Variants in FBXL5 observed in about 807,000 individuals in gnomAD.
The protein encoded by FBXL5 is F-box/LRR-repeat protein 5.
In FBXL5, 26 loss-of-function variants were observed where a neutral mutation model predicts 78.3. That is an observed-to-expected ratio of 0.33 (90% CI 0.24 to 0.46). FBXL5 has a LOEUF of 0.46. FBXL5 is among the 20% of genes least tolerant of loss of function. FBXL5 has a pLI of 1.00. For synonymous variants in FBXL5, 295 were observed against 282.5 expected (o/e 1.04, Z -0.45); for missense variants, 710 against 829.2 (o/e 0.86, Z 1.77).
At chr4:15,614,646 G>A (rs543316886) in intron 9 of FBXL5, among the ~76,000 whole-genome samples, 1 of 152,290 alleles carries the variant, frequency 6.6e-6, no homozygotes, top group South Asian at 2.1e-4. Flanking sequence ...TGCTGCGGCT[G>A]CTGTGGGGGA....
At chr4:15,615,759 CG>C (rs1711781326) in intron 9 of FBXL5, among the ~76,000 whole-genome samples, 2 of 151,686 alleles carry the variant, frequency 1.3e-5, no homozygotes, top group African/African-American at 4.8e-5. Context: ...GGATTGTAAA[CG>C]CACCAATCAG....
upstream of FBXL5, chr4:15,656,095 C>T (rs931947275): frequency 1.8e-4 from 77 of 439,820 alleles, no homozygotes; most frequent in African/African-American, 1.1e-3. Context: ...TGCAGGAACG[C>T]GGGTCAGGGA....
intron 1 of FBXL5, among the ~76,000 whole-genome samples, chr4:15,667,815 G>A (rs1048556209): frequency 1.3e-5 from 2 of 152,104 alleles, no homozygotes; most frequent in African/African-American, 4.8e-5. Flanking sequence ...GCCAATGTGG[G>A]CGGATCACCT....
chr4:15,680,700 T>C (rs1056056395), intron 1 of FBXL5, among the ~76,000 whole-genome samples: 1 of 151,714 alleles, frequency 6.6e-6, no homozygotes, highest in Non-Finnish European at 1.5e-5. Flanking sequence ...AAAATCCAGT[T>C]GGAGAATCAA....
intron 1 of FBXL5, among the ~76,000 whole-genome samples, chr4:15,677,007 A>C (rs1718017554): frequency 6.6e-6 from 1 of 152,212 alleles, no homozygotes; most frequent in Non-Finnish European, 1.5e-5. Flanking sequence ...GAAAGCATAC[A>C]TGCACTACAA....
chr4:15,657,748 AT>A (rs1717073728), upstream of FBXL5, among the ~76,000 whole-genome samples: 1 of 152,252 alleles, frequency 6.6e-6, no homozygotes, highest in East Asian at 1.9e-4. Flanking sequence ...TCCAAAATAA[AT>A]GACTGACTTT....
chr4:15,656,260 C>T (rs1034002014), upstream of FBXL5: 1 of 456,212 alleles, frequency 2.2e-6, no homozygotes, highest in Non-Finnish European at 4.4e-6. Context: ...TCCCATAAAT[C>T]GCCTGGCCCT....
intron 1 of FBXL5, among the ~76,000 whole-genome samples, chr4:15,669,228 T>C (rs1319887828): frequency 6.6e-6 from 1 of 152,216 alleles, no homozygotes; most frequent in African/African-American, 2.4e-5. Flanking sequence ...ACTTTGGCTA[T>C]ATATACAGCC....
chr4:15,645,488 C>A (rs1715262080), intron 1 of FBXL5, among the ~76,000 whole-genome samples: 1 of 152,024 alleles, frequency 6.6e-6, no homozygotes, highest in Admixed American at 6.6e-5. Context: ...AGTGCAGGGG[C>A]ATGATCTCAG....
chr4:15,676,129 C>G (rs1159101401), intron 1 of FBXL5, among the ~76,000 whole-genome samples: 4 of 152,272 alleles, frequency 2.6e-5, no homozygotes, highest in African/African-American at 9.6e-5. Context: ...CAGAGCAACC[C>G]AGCTTATGGA....
chr4:15,676,001 G>A (rs897150436), intron 1 of FBXL5, among the ~76,000 whole-genome samples: 1 of 152,172 alleles, frequency 6.6e-6, no homozygotes, highest in African/African-American at 2.4e-5. Flanking sequence ...AGTGAGAGGT[G>A]AAAAAGAGCT....
intron 3 of FBXL5, among the ~76,000 whole-genome samples, chr4:15,639,599 T>C (rs1714627526): frequency 6.6e-6 from 1 of 152,232 alleles, no homozygotes; most frequent in Non-Finnish European, 1.5e-5. Flanking sequence ...AACAAGGCTT[T>C]TTTTGTTTTG....
At chr4:15,621,838 CCTT>C (rs1712513810) in intron 9 of FBXL5, among the ~76,000 whole-genome samples, 1 of 152,080 alleles carries the variant, frequency 6.6e-6, no homozygotes, top group African/African-American at 2.4e-5. Flanking sequence ...AGTCAATGCT[CCTT>C]CTTTTGAGAC....
At position 15,640,771 on chromosome 4, in the gene FBXL5, AG is replaced by A; in HGVS notation, c.396+16del. 1.4e-6 allele frequency: 2 copies of A among 1,397,846 alleles called. No individual in the cohort carries two copies. Among genetic ancestry groups the A allele is most frequent in the Non-Finnish European group, 2.0e-6 (2 of 1,020,738 alleles). 86.6% of individuals were successfully genotyped at this position (1,397,846 alleles called of 1,614,324 possible). A position where few individuals can be genotyped will look rare whatever the true frequency, so the allele number is the denominator to read the frequency against. On this transcript the variant is annotated intron_variant, in intron 3 of 10. Coordinates refer to ENST00000341285, the MANE Select transcript of FBXL5 (RefSeq NM_012161.4). ...GAATGTTATAAATCTAAATCACGAAAGAAAAATTATGCTTACCTCCTCTTCC... is the reference window on the plus strand; with the variant it reads ...GAATGTTATAAATCTAAATCACGAAAAAAAATTATGCTTACCTCCTCTTCC...
At chr4:15,638,767 T>C (rs1480043068) in intron 3 of FBXL5, 73 bp from the exon 4 acceptor site, 18 of 948,780 alleles carry the variant, frequency 1.9e-5, no homozygotes, top group African/African-American at 3.7e-5. Flanking sequence ...TTTTAAATTA[T>C]TAATGGCTCG....
intron 10 of FBXL5, among the ~76,000 whole-genome samples, chr4:15,611,046 A>G (rs1722220223): frequency 6.6e-6 from 1 of 152,134 alleles, no homozygotes; most frequent in Admixed American, 6.5e-5. Context: ...CTACAATGAC[A>G]TTCACTTTCA....
intron 1 of FBXL5, among the ~76,000 whole-genome samples, chr4:15,671,517 T>A (rs1046092798): frequency 2.6e-5 from 4 of 152,058 alleles, no homozygotes; most frequent in South Asian, 2.1e-4. Flanking sequence ...AAAGCAATCC[T>A]CCTGCCTCAG....
At chr4:15,671,731 A>G (rs1717778686) in intron 1 of FBXL5, among the ~76,000 whole-genome samples, 1 of 152,160 alleles carries the variant, frequency 6.6e-6, no homozygotes, top group African/African-American at 2.4e-5. Context: ...AAACTTATGC[A>G]CAGCTCACTG....
upstream of FBXL5, among the ~76,000 whole-genome samples, chr4:15,656,730 T>G (rs1397362356): frequency 2.0e-5 from 3 of 152,152 alleles, no homozygotes; most frequent in African/African-American, 7.2e-5. Context: ...TGCTCTGACA[T>G]GAAATGAAGC....
Sources: gnomAD v4.1 joint callset for allele counts (sites outside exome capture counted in the v4.1 genomes callset) on GRCh38, gnomAD v4.1.1 for gene constraint, MANE v1.5 for transcripts, NCBI Gene and HGNC (gene_info 2026-07-23, HGNC 2026-07-21) for gene names.